The following MYO5C variants were observed in gnomAD, a reference collection of about 807,000 sequenced individuals.
The protein encoded by MYO5C is unconventional myosin-Vc.
In MYO5C, 194 loss-of-function variants were observed where a neutral mutation model predicts 235.7. The observed-to-expected ratio is 0.82, with a 90% CI of 0.73 to 0.93. MYO5C has a LOEUF of 0.93. Among genes scored for constraint, MYO5C ranks in the 40% least tolerant of loss-of-function variants. The probability of loss-of-function intolerance (pLI) is 0.00; values close to 1 mark genes in which losing one functional copy is unlikely to be tolerated. For missense variants in MYO5C, 2,038 were observed against 2,127.2 expected (o/e 0.96, Z 0.82); for synonymous variants, 707 against 754.8 (o/e 0.94, Z 1.04).
intron 11 of MYO5C, among the ~76,000 whole-genome samples, chr15:52,254,241 G>T (rs867549713): frequency 3.3e-5 from 5 of 152,178 alleles, no homozygotes; most frequent in Non-Finnish European, 7.3e-5. Flanking sequence ...AGGGCGGAGG[G>T]GTTATGATGA....
intron 1 of MYO5C, among the ~76,000 whole-genome samples, chr15:52,290,044 C>A (rs541893232): frequency 6.6e-6 from 1 of 152,258 alleles, no homozygotes; most frequent in South Asian, 2.1e-4. Context: ...ACTCTCCTTG[C>A]CACTTGCCAT....
intron 29 of MYO5C, among the ~76,000 whole-genome samples, chr15:52,222,657 A>G (rs1302717708): frequency 6.6e-6 from 1 of 150,810 alleles, no homozygotes; most frequent in Admixed American, 6.6e-5. Context: ...AGGTGTGCGG[A>G]GGAAGTATGC....
intron 1 of MYO5C, 55 bp from the exon 2 acceptor site, chr15:52,282,947 A>G: frequency 1.8e-6 from 2 of 1,107,038 alleles, no homozygotes; most frequent in Non-Finnish European, 2.8e-6. Flanking sequence ...TTATGGATCA[A>G]TGCATGGTTA....
chr15:52,197,620 T>C (rs1474273967), intron 38 of MYO5C, among the ~76,000 whole-genome samples: 1 of 152,136 alleles, frequency 6.6e-6, no homozygotes, highest in African/African-American at 2.4e-5. Context: ...GATTGAACTA[T>C]ACACTTTATT....
At chr15:52,198,957 G>A (rs568659578) in intron 38 of MYO5C, among the ~76,000 whole-genome samples, 23 of 151,892 alleles carry the variant, frequency 1.5e-4, no homozygotes, top group Admixed American at 7.9e-4. Flanking sequence ...GCAGTGGCAC[G>A]ATCTCGGTTC....
In MYO5C at chr15:52,196,298, A is replaced by T. The variant is rs1253681904; in HGVS notation, c.4995+11T>A. The T allele has an allele frequency of 1.3e-6, 2 of 1,594,414 alleles. No homozygotes were observed. Among genetic ancestry groups the T allele is most frequent in the African/African-American group, 2.7e-5 (2 of 74,324 alleles). ...GGAAGAGCCAGGGAGACACTAAGCA[A>T]GCCTGGTCACCTGCACAGCAGACAG... is the stretch of plus-strand genomic sequence containing the variant. On this transcript the variant is annotated intron_variant, in intron 39 of 40. Coordinates refer to ENST00000261839, the MANE Select transcript of MYO5C (RefSeq NM_018728.4).
rs2037471593 is a variant in MYO5C at position 52,295,114 on chromosome 15, C to T, written c.27+496G>A. 3.3e-5 allele frequency among the ~76,000 whole-genome samples: 5 copies of T among 152,370 alleles called. No individual in the cohort carries two copies. The South Asian group carries it at 1.0e-3, about 32-fold the overall frequency. Reference sequence around the variant, plus strand: ...AACACTGCGGCCATAAGCTTCTATGCCAGCTCGTTCAAGGGGGTCCCAGGA... The same window carrying T: ...AACACTGCGGCCATAAGCTTCTATGTCAGCTCGTTCAAGGGGGTCCCAGGA... On this transcript the variant is annotated intron_variant, in intron 1 of 40. Transcript: ENST00000261839.
At chr15:52,286,792 C>T (rs2140869705) in intron 1 of MYO5C, among the ~76,000 whole-genome samples, 1 of 152,062 alleles carries the variant, frequency 6.6e-6, no homozygotes, top group Middle Eastern at 3.4e-3. Context: ...TACCCAGGGA[C>T]ACAAACACTG....
At chr15:52,286,950 GAAAAAAGA>G (rs1229874566) in intron 1 of MYO5C, among the ~76,000 whole-genome samples, 5 of 106,898 alleles carry the variant, frequency 4.7e-5, no homozygotes, top group African/African-American at 1.7e-4. Context: ...AAAAAAAAAA[GAAAAAAGA>G]AAAAAAAAAA....
intron 1 of MYO5C, among the ~76,000 whole-genome samples, chr15:52,283,241 C>G (rs1308543053): frequency 6.6e-6 from 1 of 152,222 alleles, no homozygotes; most frequent in East Asian, 1.9e-4. Flanking sequence ...CTATGGAACT[C>G]TGGGCCAGAC....
intron 32 of MYO5C, 50 bp from the exon 33 acceptor site, chr15:52,214,740 A>ATTTTTTT: frequency 1.0e-6 from 1 of 981,748 alleles, no homozygotes; most frequent in Non-Finnish European, 1.4e-6. Context: ...ACTTTAATCT[A>ATTTTTTT]TTTTTTTTTT....
rs541269868 is a variant in MYO5C at position 52,254,853 on chromosome 15, G to C, written c.1396-1396C>G. Among the ~76,000 whole-genome samples the C allele has an allele frequency of 5.3e-5, 8 of 152,250 alleles. No individual in the cohort carries two copies. In the South Asian group the frequency reaches 1.5e-3, roughly 28 times the overall value. ...CAGGGAACAGGGTAGCAGCCACAGAGAGTTTGACTTCAGGTGAGTTATACT... is the reference window on the plus strand; with the variant it reads ...CAGGGAACAGGGTAGCAGCCACAGACAGTTTGACTTCAGGTGAGTTATACT... On this transcript the variant is annotated intron_variant, in intron 11 of 40. Coordinates refer to ENST00000261839, the MANE Select transcript of MYO5C (RefSeq NM_018728.4).
intron 8 of MYO5C, among the ~76,000 whole-genome samples, chr15:52,266,327 T>C (rs2036811066): frequency 6.6e-6 from 1 of 152,134 alleles, no homozygotes; most frequent in Non-Finnish European, 1.5e-5. Flanking sequence ...TTCCAAGGTG[T>C]TCGTCCCATC....
chr15:52,197,780 C>T (rs1421366865), intron 38 of MYO5C, among the ~76,000 whole-genome samples: 1 of 151,816 alleles, frequency 6.6e-6, no homozygotes, highest in Non-Finnish European at 1.5e-5. Context: ...GGATTACAGG[C>T]GCCTGCCACT....
At chr15:52,244,041 T>C (rs532588577) in intron 19 of MYO5C, among the ~76,000 whole-genome samples, 2 of 152,250 alleles carry the variant, frequency 1.3e-5, no homozygotes, top group Admixed American at 6.5e-5. Context: ...TCAGTTCCCA[T>C]AGGAAAGGGG....
At chr15:52,221,089 A>G in intron 30 of MYO5C, 73 bp downstream of exon 30, 3 of 1,206,232 alleles carry the variant, frequency 2.5e-6, no homozygotes, top group Admixed American at 3.9e-5. Context: ...CCTGAGTACA[A>G]GGACATTTCA....
intron 10 of MYO5C, among the ~76,000 whole-genome samples, chr15:52,258,797 C>T (rs1231133947): frequency 5.3e-5 from 8 of 152,210 alleles, no homozygotes; most frequent in African/African-American, 1.7e-4. Context: ...ATAATTTACT[C>T]TAACAAGTCT....
At chr15:52,244,901 G>T (rs995521456) in intron 18 of MYO5C, among the ~76,000 whole-genome samples, 8 of 152,208 alleles carry the variant, frequency 5.3e-5, no homozygotes, top group Non-Finnish European at 1.2e-4. Context: ...GGGGAAGTTT[G>T]GTTTTCTGTC....
intron 24 of MYO5C, among the ~76,000 whole-genome samples, chr15:52,232,062 G>A (rs2035962377): frequency 6.6e-6 from 1 of 151,378 alleles, no homozygotes; most frequent in East Asian, 1.9e-4. Context: ...GAAGGTGGTG[G>A]TAGTCTCTGA....
Sources: allele counts gnomAD v4.1 joint callset (sites outside exome capture counted in the v4.1 genomes callset), GRCh38; gene constraint gnomAD v4.1.1; transcripts MANE v1.5; gene names NCBI Gene and HGNC (gene_info 2026-07-23, HGNC 2026-07-21).